Variants in ADARB2 observed in about 807,000 individuals in gnomAD.
ADARB2 encodes the protein inactive double-stranded RNA-specific editase B2.
ADARB2 carries 25 observed loss-of-function variants against 62.2 expected under a neutral mutation model. The observed-to-expected ratio is 0.40, with a 90% confidence interval of 0.29 to 0.56. The LOEUF is 0.56. Among genes scored for constraint, ADARB2 ranks in the 20% least tolerant of loss-of-function variants. The pLI is 0.43. For synonymous variants in ADARB2, 572 were observed against 500.8 expected, an observed-to-expected ratio of 1.14 and a Z score of -1.90; for missense variants, 1,071 against 1,077.4, an observed-to-expected ratio of 0.99 and a Z score of 0.08.
chr10:1,591,268 C>A (rs954041977), intron 1 of ADARB2, among the ~76,000 whole-genome samples: 2 of 152,202 alleles, frequency 1.3e-5, no homozygotes, highest in Non-Finnish European at 1.5e-5. Context: ...GTCCCTGCCT[C>A]GGCCACACTG....
chr10:1,466,338 T>C (rs1831254505), intron 1 of ADARB2, among the ~76,000 whole-genome samples: 1 of 152,134 alleles, frequency 6.6e-6, no homozygotes, highest in African/African-American at 2.4e-5. Flanking sequence ...GCAAAGACGG[T>C]GCTTCTCCTC....
chr10:1,619,305 A>G lies in ADARB2; in HGVS notation c.100+117746T>C, dbSNP rs916348528. On this transcript the variant is annotated intron_variant, in intron 1 of 9. Coordinates refer to ENST00000381312, the MANE Select transcript of ADARB2 (RefSeq NM_018702.4). ...CATTGAAAGTAAAAAAAAAAAAAAA[A>G]AAAGAAAAAATACGCACCATACAAT... is the stretch of plus-strand genomic sequence containing the variant. Among the ~76,000 whole-genome samples, 37 of 100,504 alleles carry G rather than the reference A, an allele frequency of 3.7e-4. 1 individual carries two copies. Among genetic ancestry groups the G allele is most frequent in the African/African-American group, 1.1e-3 (34 of 30,348 alleles). The allele number at this position is 100,504 out of a possible 152,430, so 65.9% of individuals were successfully genotyped here. A position where few individuals can be genotyped will look rare whatever the true frequency, so the allele number is the denominator to read the frequency against.
At chr10:1,718,131 G>T (rs376473838) in intron 1 of ADARB2, among the ~76,000 whole-genome samples, 1 of 152,158 alleles carries the variant, frequency 6.6e-6, no homozygotes, top group Non-Finnish European at 1.5e-5. Context: ...ACAGAAAGTC[G>T]CTGTTTCCAT....
At chr10:1,379,569 G>A (rs184651624) in intron 1 of ADARB2, among the ~76,000 whole-genome samples, 1 of 152,328 alleles carries the variant, frequency 6.6e-6, no homozygotes, top group East Asian at 1.9e-4. Context: ...TGCCAATAAA[G>A]CCAAGACTAT....
chr10:1,683,633 G>A (rs1476994969), intron 1 of ADARB2, among the ~76,000 whole-genome samples: 3 of 152,188 alleles, frequency 2.0e-5, no homozygotes, highest in African/African-American at 7.2e-5. Flanking sequence ...GACTCACCAG[G>A]TAACTGTCGC....
intron 1 of ADARB2, among the ~76,000 whole-genome samples, chr10:1,587,684 A>G (rs1833198127): frequency 6.6e-6 from 1 of 152,186 alleles, no homozygotes; most frequent in Non-Finnish European, 1.5e-5. Flanking sequence ...TTTCTGTGCT[A>G]AACAATTGAT....
At chr10:1,194,032 C>T (rs1036838027) in intron 8 of ADARB2, among the ~76,000 whole-genome samples, 1 of 152,152 alleles carries the variant, frequency 6.6e-6, no homozygotes, top group Non-Finnish European at 1.5e-5. Context: ...ATTACTTTTT[C>T]TGGAACTCTT....
intron 3 of ADARB2, among the ~76,000 whole-genome samples, chr10:1,306,558 A>T (rs1831631549): frequency 6.6e-6 from 1 of 151,590 alleles, no homozygotes; most frequent in South Asian, 2.1e-4. Flanking sequence ...GGAAAAAACT[A>T]CTTTAAAGTT....
intron 8 of ADARB2, among the ~76,000 whole-genome samples, chr10:1,193,878 G>A (rs1836874304): frequency 6.6e-6 from 1 of 151,930 alleles, no homozygotes; most frequent in African/African-American, 2.4e-5. Context: ...TTTGGTCTCT[G>A]TTTTTCAGCA....
chr10:1,263,548 G>T (rs1218469959), intron 4 of ADARB2, among the ~76,000 whole-genome samples: 1 of 152,214 alleles, frequency 6.6e-6, no homozygotes, highest in Non-Finnish European at 1.5e-5. Context: ...TTAGATTGAA[G>T]ATAGAATTGA....
At position 1,344,451 on chromosome 10, in the gene ADARB2, T is replaced by A. The variant is rs1832059908; in HGVS notation, c.1077+18577A>T. ...GAATAACCCTGCCTTTAGTAAAGAA[T>A]TAAAGTTACACTTACAGAGGGAAGG... On this transcript the variant is annotated intron_variant, in intron 3 of 9. Coordinates refer to ENST00000381312, the MANE Select transcript of ADARB2 (RefSeq NM_018702.4). Among the ~76,000 whole-genome samples, 2 of 152,176 alleles carry A rather than the reference T, an allele frequency of 1.3e-5. 1 individual carries two copies.
chr10:1,220,012 G>A (rs1293581924), intron 6 of ADARB2, among the ~76,000 whole-genome samples: 3 of 133,144 alleles, frequency 2.3e-5, no homozygotes, highest in Non-Finnish European at 3.2e-5. Context: ...GATGGTAATG[G>A]TGATGGTGAT....
chr10:1,441,837 A>G (rs1830910512), intron 1 of ADARB2, among the ~76,000 whole-genome samples: 1 of 152,248 alleles, frequency 6.6e-6, no homozygotes, highest in Non-Finnish European at 1.5e-5. Flanking sequence ...TAGAGAAATT[A>G]AGAAACTTGT....
At chr10:1,301,255 C>T (rs906742325) in intron 3 of ADARB2, among the ~76,000 whole-genome samples, 2 of 152,038 alleles carry the variant, frequency 1.3e-5, no homozygotes, top group Admixed American at 6.5e-5. Flanking sequence ...TACTTAATTC[C>T]GTTAAAAATA....
At chr10:1,241,988 G>T in intron 5 of ADARB2, 143 bp downstream of exon 5, 3 of 916,078 alleles carry the variant, frequency 3.3e-6, no homozygotes, top group Non-Finnish European at 4.8e-6. Context: ...TCTCTAGTCT[G>T]AATAAAAAGG....
chr10:1,229,957 A>G (rs555128422), intron 6 of ADARB2, among the ~76,000 whole-genome samples: 1 of 152,278 alleles, frequency 6.6e-6, no homozygotes, highest in East Asian at 1.9e-4. Context: ...CAATCGCTCG[A>G]TGCAGGCCAA....
intron 1 of ADARB2, among the ~76,000 whole-genome samples, chr10:1,701,728 CACGCA>C (rs1834822229): frequency 1.1e-4 from 4 of 36,772 alleles, no homozygotes; most frequent in Admixed American, 3.3e-4. Flanking sequence ...CTCGCCAATA[CACGCA>C]ATCCCACTCC....
At chr10:1,229,716 T>TTGCGTGCA (rs1564228177) in intron 6 of ADARB2, among the ~76,000 whole-genome samples, 8 of 22,540 alleles carry the variant, frequency 3.5e-4, no homozygotes, top group African/African-American at 2.3e-3. Context: ...GTATGCGTGT[T>TTGCGTGCA]CATGTGTGCA....
At chr10:1,636,327 G>A (rs972915314) in intron 1 of ADARB2, among the ~76,000 whole-genome samples, 3 of 152,066 alleles carry the variant, frequency 2.0e-5, no homozygotes, top group African/African-American at 4.8e-5. Flanking sequence ...GACCAGCCTG[G>A]GCTACAAAGA....
Sources: allele counts gnomAD v4.1 joint callset (sites outside exome capture counted in the v4.1 genomes callset), GRCh38; gene constraint gnomAD v4.1.1; transcripts MANE v1.5; gene names NCBI Gene and HGNC (gene_info 2026-07-23, HGNC 2026-07-21).